Variants in ADGRA1 observed in about 807,000 individuals in gnomAD.
ADGRA1 encodes G-protein coupled receptor 123.
Under a neutral mutation model 21.3 loss-of-function variants are expected in ADGRA1, and 12 were observed. The ratio of observed to expected loss-of-function variants is 0.56; its 90% CI spans 0.36 to 0.91. ADGRA1 has a LOEUF of 0.91. ADGRA1 is among the 40% of genes least tolerant of loss of function. The pLI, the probability that ADGRA1 is intolerant of heterozygous loss-of-function variation, is 0.01. For synonymous variants in ADGRA1, 385 were observed against 368.8 expected, an observed-to-expected ratio of 1.04 and a Z score of -0.50; for missense variants, 790 against 805.6, an observed-to-expected ratio of 0.98 and a Z score of 0.23.
At chr10:133,108,288 C>A (rs1325534395) in intron 5 of ADGRA1, among the ~76,000 whole-genome samples, 2 of 152,242 alleles carry the variant, frequency 1.3e-5, no homozygotes, top group Non-Finnish European at 2.9e-5. Context: ...CCACACAGAA[C>A]CTGGCGTGAG....
At chr10:133,123,018 G>A (rs774346424) in intron 5 of ADGRA1, among the ~76,000 whole-genome samples, 31 of 152,310 alleles carry the variant, frequency 2.0e-4, no homozygotes, top group African/African-American at 7.0e-4. Flanking sequence ...ATGGCTGCAC[G>A]GGACCCGCTT....
chr10:133,115,052 G>A (rs1281337107), intron 5 of ADGRA1, among the ~76,000 whole-genome samples: 1 of 152,210 alleles, frequency 6.6e-6, no homozygotes, highest in Non-Finnish European at 1.5e-5. Flanking sequence ...CTGTCCTGGG[G>A]ACGTGCTTCC....
Position 133,088,894 on chromosome 10 carries a change from C to CTCATGCTTCGGT in ADGRA1, c.-16_-15insTCATGCTTCGGT. 8.1e-7 allele frequency: 1 copy of CTCATGCTTCGGT among 1,240,644 alleles called. No homozygotes were observed. The allele number at this position is 1,240,644 out of a possible 1,614,324, so 76.9% of individuals were successfully genotyped here. On this transcript the variant is annotated 5_prime_UTR_variant, in exon 2 of 7. In the 5' UTR this introduces an upstream ATG that the reference lacks. Transcript: ENST00000392607. ...TCCTCCAGCGGCGCTCACGCTTCCG[C>CTCATGCTTCGGT]AACTTTGCAGCGCTCATGGTGAGTA...
intron 4 of ADGRA1, among the ~76,000 whole-genome samples, chr10:133,101,460 C>T (rs1851793350): frequency 6.6e-6 from 1 of 152,232 alleles, no homozygotes; most frequent in Non-Finnish European, 1.5e-5. Flanking sequence ...TTCCCTGCAG[C>T]CTCTCCATCT....
Position 133,129,528 on chromosome 10 carries a change from C to G in ADGRA1, c.*17C>G, listed in dbSNP as rs373518649. 2 of 1,563,326 alleles carry G rather than the reference C, an allele frequency of 1.3e-6. No homozygotes were observed. On this transcript the variant is annotated 3_prime_UTR_variant, in exon 7 of 7. Coordinates refer to ENST00000392607, the MANE Select transcript of ADGRA1 (RefSeq NM_001083909.3). Reference sequence around the variant, plus strand: ...ACTGTGTAGATGGGGGCAGAGGACACGGTGTTCCTGGAGGAGCTTCAGAGC... The same window carrying G: ...ACTGTGTAGATGGGGGCAGAGGACAGGGTGTTCCTGGAGGAGCTTCAGAGC...
At chr10:133,120,597 C>G (rs1852236524) in intron 5 of ADGRA1, among the ~76,000 whole-genome samples, 1 of 152,160 alleles carries the variant, frequency 6.6e-6, no homozygotes, top group Non-Finnish European at 1.5e-5. Flanking sequence ...AGCATTTTTT[C>G]TGCTGCACCT....
At chr10:133,090,377 A>C (rs901684793) in intron 2 of ADGRA1, among the ~76,000 whole-genome samples, 2 of 152,146 alleles carry the variant, frequency 1.3e-5, no homozygotes, top group Admixed American at 6.5e-5. Flanking sequence ...CTCACCCAAG[A>C]CTGTGAAAGC....
In ADGRA1 at chr10:133,129,740, A is replaced by C; in HGVS notation, c.*229A>C. 5.1e-6 allele frequency: 2 copies of C among 389,932 alleles called. No individual in the cohort carries two copies. Among genetic ancestry groups the C allele is most frequent in the Non-Finnish European group, 9.4e-6 (2 of 212,412 alleles). The allele number at this position is 389,932 out of a possible 1,614,324, so 24.2% of individuals were successfully genotyped here. On this transcript the variant is annotated 3_prime_UTR_variant, in exon 7 of 7. Transcript: ENST00000392607. ...TCCTTGTGAAAGACCTCAGCGGGGAAACGCTCCGGGCCACGCCCACTCCCC... is the reference window on the plus strand; with the variant it reads ...TCCTTGTGAAAGACCTCAGCGGGGACACGCTCCGGGCCACGCCCACTCCCC...
intron 5 of ADGRA1, among the ~76,000 whole-genome samples, chr10:133,108,655 ACT>A (rs1851933599): frequency 6.6e-6 from 1 of 151,930 alleles, no homozygotes; most frequent in Non-Finnish European, 1.5e-5. Flanking sequence ...CTGTTGCAAG[ACT>A]CTGTTGCCAG....
intron 4 of ADGRA1, chr10:133,102,152 C>T (rs1851806458): frequency 1.8e-5 from 8 of 449,102 alleles, no homozygotes; most frequent in Admixed American, 4.7e-5. Flanking sequence ...CAGGGCCACA[C>T]GAATGCCGGC....
intron 4 of ADGRA1, 89 bp downstream of exon 4, chr10:133,098,852 T>C: frequency 2.0e-6 from 3 of 1,501,240 alleles, no homozygotes; most frequent in Non-Finnish European, 8.9e-7. Context: ...CAGCGTTTGC[T>C]CAGCTATTTC....
chr10:133,102,340 T>C (rs1183399660), intron 4 of ADGRA1: 1 of 514,306 alleles, frequency 1.9e-6, no homozygotes, highest in Non-Finnish European at 3.8e-6. Context: ...CCTATCCAGG[T>C]CTGAGCTCAG....
intron 5 of ADGRA1, among the ~76,000 whole-genome samples, chr10:133,123,042 G>A (rs150289959): frequency 2.6e-5 from 4 of 152,348 alleles, no homozygotes; most frequent in Non-Finnish European, 4.4e-5. Context: ...GCGAGACCAC[G>A]GGGCTTTATC....
chr10:133,105,378 T>A (rs1851875409), intron 5 of ADGRA1, among the ~76,000 whole-genome samples: 1 of 151,774 alleles, frequency 6.6e-6, no homozygotes, highest in African/African-American at 2.4e-5. Flanking sequence ...CTGCAAGTGT[T>A]TAACAAGAAA....
At chr10:133,116,107 C>A (rs113878638) in intron 5 of ADGRA1, among the ~76,000 whole-genome samples, 1 of 152,018 alleles carries the variant, frequency 6.6e-6, no homozygotes, top group African/African-American at 2.4e-5. Flanking sequence ...CCACCCACGC[C>A]GCTCTGCAGG....
intron 2 of ADGRA1, among the ~76,000 whole-genome samples, chr10:133,090,245 C>T (rs1421038184): frequency 6.6e-6 from 1 of 152,200 alleles, no homozygotes; most frequent in African/African-American, 2.4e-5. Context: ...CACCACCCCT[C>T]GCAGGCTGAG....
At chr10:133,112,652 T>C (rs1852069615) in intron 5 of ADGRA1, among the ~76,000 whole-genome samples, 1 of 137,500 alleles carries the variant, frequency 7.3e-6, no homozygotes, top group African/African-American at 2.7e-5. Flanking sequence ...GCGTCCGTTA[T>C]TTGGGGTCTG....
intron 5 of ADGRA1, among the ~76,000 whole-genome samples, chr10:133,114,719 G>A (rs1189303160): frequency 6.6e-6 from 1 of 152,170 alleles, no homozygotes; most frequent in African/African-American, 2.4e-5. Flanking sequence ...CAGAAGTCAC[G>A]GTTAACTCAA....
At chr10:133,094,710 C>T (rs144556507) in intron 2 of ADGRA1, among the ~76,000 whole-genome samples, 6 of 152,134 alleles carry the variant, frequency 3.9e-5, no homozygotes, top group African/African-American at 1.4e-4. Flanking sequence ...AACAATGGCT[C>T]GTCGGAACTG....
Sources: allele counts gnomAD v4.1 joint callset (sites outside exome capture counted in the v4.1 genomes callset), GRCh38; gene constraint gnomAD v4.1.1; transcripts MANE v1.5; gene names NCBI Gene and HGNC (gene_info 2026-07-23, HGNC 2026-07-21).